Variants in CSMD1 observed in about 807,000 individuals in gnomAD.
The protein encoded by CSMD1 is CUB and Sushi multiple domains 1.
In CSMD1, 213 loss-of-function variants were observed where a neutral mutation model predicts 417.5. That is an observed-to-expected ratio of 0.51 (90% CI 0.46 to 0.57). The LOEUF is 0.57. Among genes scored for constraint, CSMD1 ranks in the 20% least tolerant of loss-of-function variants. The pLI, the probability that CSMD1 is intolerant of heterozygous loss-of-function variation, is 0.00. For missense variants in CSMD1, 6,923 were observed against 4,529.7 expected, an observed-to-expected ratio of 1.53 and a Z score of -15.17; for synonymous variants, 2,862 against 1,736.8, an observed-to-expected ratio of 1.65 and a Z score of -16.11.
At chr8:3,781,506 G>GA (rs1218723206) in intron 5 of CSMD1, among the ~76,000 whole-genome samples, 1 of 151,226 alleles carries the variant, frequency 6.6e-6, no homozygotes, top group Admixed American at 6.6e-5. Flanking sequence ...CCTGAGTTAG[G>GA]TGTGCGATTG....
rs11785282 is a variant in CSMD1, at chr8:4,051,866, T to C, written c.416-19767A>G. 2.7e-4 allele frequency among the ~76,000 whole-genome samples: 32 copies of C among 119,788 alleles called. 1 individual carries two copies. The highest frequency in any genetic ancestry group is 4.2e-3 in the Middle Eastern group (1 of 238). 78.6% of individuals were successfully genotyped at this position (119,788 alleles called of 152,430 possible). On this transcript the variant is annotated intron_variant, in intron 3 of 69. Transcript: ENST00000635120. ...TTTCTTTTCTTTTCTCTTTCTTTCT[T>C]TCCTTCCTCCTTTCTTCCTTCCTTC...
At chr8:3,366,938 C>A in intron 20 of CSMD1, 94 bp downstream of exon 20, 2 of 963,582 alleles carry the variant, frequency 2.1e-6, no homozygotes, top group Non-Finnish European at 1.6e-6. Context: ...CGGATGCACA[C>A]ATTACACACA....
Position 4,126,266 on chromosome 8 carries a change from G to C in CSMD1, c.416-94167C>G, listed in dbSNP as rs1018843248. On this transcript the variant is annotated intron_variant, in intron 3 of 69. Transcript: ENST00000635120. ...TCCAGTCTCCCACACGACCGGCTCTGCATGAATCACTCTTTCTTCATAGCA... is the reference window on the plus strand; with the variant it reads ...TCCAGTCTCCCACACGACCGGCTCTCCATGAATCACTCTTTCTTCATAGCA... 5.3e-5 allele frequency among the ~76,000 whole-genome samples: 8 copies of C among 152,240 alleles called. 1 individual carries two copies. The South Asian group carries it at 8.3e-4, about 16-fold the overall frequency.
chr8:4,979,255 A>C (rs1279826874), intron 1 of CSMD1, among the ~76,000 whole-genome samples: 1 of 152,204 alleles, frequency 6.6e-6, no homozygotes, highest in Non-Finnish European at 1.5e-5. Context: ...GCTCACATTT[A>C]TTTAAGCTTA....
At chr8:3,648,966 T>G (rs373980091) in intron 7 of CSMD1, among the ~76,000 whole-genome samples, 2 of 152,272 alleles carry the variant, frequency 1.3e-5, no homozygotes, top group East Asian at 1.9e-4. Context: ...TACCCAGCCC[T>G]GTGCATGGTG....
At chr8:3,639,651 A>G (rs1355761795) in intron 7 of CSMD1, among the ~76,000 whole-genome samples, 1 of 152,264 alleles carries the variant, frequency 6.6e-6, no homozygotes, top group Non-Finnish European at 1.5e-5. Context: ...TGAACACTGT[A>G]TCAAAACATA....
chr8:4,481,543 C>T (rs938860236), intron 2 of CSMD1, among the ~76,000 whole-genome samples: 3 of 152,042 alleles, frequency 2.0e-5, no homozygotes, highest in Admixed American at 2.0e-4. Flanking sequence ...AGGAATTAAC[C>T]TGTTTTTATT....
intron 5 of CSMD1, among the ~76,000 whole-genome samples, chr8:3,979,594 G>C (rs865845791): frequency 6.6e-6 from 1 of 152,112 alleles, no homozygotes; most frequent in African/African-American, 2.4e-5. Flanking sequence ...ATGAGGATGC[G>C]GCCAACATGA....
chr8:3,731,595 T>A (rs922980097), intron 6 of CSMD1, among the ~76,000 whole-genome samples: 1 of 152,126 alleles, frequency 6.6e-6, no homozygotes, highest in African/African-American at 2.4e-5. Flanking sequence ...GAAAGTGATA[T>A]GAACTTTACC....
chr8:3,320,509 T>C (rs1178449300), intron 23 of CSMD1, among the ~76,000 whole-genome samples: 2 of 152,204 alleles, frequency 1.3e-5, no homozygotes, highest in African/African-American at 4.8e-5. Context: ...CTGTTATGAC[T>C]CATAGGCTGA....
At chr8:3,759,052 C>T (rs1359345885) in intron 5 of CSMD1, among the ~76,000 whole-genome samples, 1 of 152,194 alleles carries the variant, frequency 6.6e-6, no homozygotes, top group Non-Finnish European at 1.5e-5. Context: ...CTCCAGAGAG[C>T]AACACAGCCC....
intron 3 of CSMD1, among the ~76,000 whole-genome samples, chr8:4,390,665 C>T (rs1338149169): frequency 2.0e-5 from 3 of 151,984 alleles, no homozygotes; most frequent in Non-Finnish European, 2.9e-5. Flanking sequence ...AGGCACCCCC[C>T]ACCACGCCCG....
intron 5 of CSMD1, among the ~76,000 whole-genome samples, chr8:3,900,117 G>C (rs532302217): frequency 6.6e-6 from 1 of 152,172 alleles, no homozygotes; most frequent in Admixed American, 6.5e-5. Context: ...TGGCACTGTA[G>C]CTGGGTGACA....
intron 36 of CSMD1, among the ~76,000 whole-genome samples, 155 bp downstream of exon 36, chr8:3,187,714 C>T (rs1796145586): frequency 6.6e-6 from 1 of 152,116 alleles, no homozygotes; most frequent in South Asian, 2.1e-4. Flanking sequence ...TCTTGATGGT[C>T]TTACTCTAAG....
intron 5 of CSMD1, among the ~76,000 whole-genome samples, chr8:3,826,138 G>T (rs563336323): frequency 6.6e-6 from 1 of 152,150 alleles, no homozygotes; most frequent in South Asian, 2.1e-4. Context: ...AACTCACACT[G>T]CGAATGAATA....
At chr8:4,443,913 C>G (rs931858438) in intron 2 of CSMD1, among the ~76,000 whole-genome samples, 1 of 151,926 alleles carries the variant, frequency 6.6e-6, no homozygotes, top group Non-Finnish European at 1.5e-5. Context: ...CAGGAGTCCT[C>G]ATAAGAAATG....
intron 2 of CSMD1, among the ~76,000 whole-genome samples, chr8:4,449,911 G>C (rs556444137): frequency 3.3e-5 from 5 of 152,092 alleles, no homozygotes; most frequent in African/African-American, 1.2e-4. Context: ...TATAAAACCT[G>C]GGCACCATGC....
intron 3 of CSMD1, among the ~76,000 whole-genome samples, chr8:4,231,414 C>A (rs1378098630): frequency 6.6e-6 from 1 of 152,070 alleles, no homozygotes. Flanking sequence ...AAAGTTGTTA[C>A]AAAAATTACG....
intron 7 of CSMD1, among the ~76,000 whole-genome samples, chr8:3,706,390 C>G (rs1005603619): frequency 6.6e-6 from 1 of 152,228 alleles, no homozygotes; most frequent in African/African-American, 2.4e-5. Context: ...CTCTGTCATA[C>G]CTTTCTTTGG....
Sources: allele counts gnomAD v4.1 joint callset (sites outside exome capture counted in the v4.1 genomes callset), GRCh38; gene constraint gnomAD v4.1.1; transcripts MANE v1.5; gene names NCBI Gene and HGNC (gene_info 2026-07-23, HGNC 2026-07-21).